CLVS1: variants seen among roughly 807,000 people sequenced by gnomAD.
CLVS1 encodes the protein clavesin 1, also known as clavesin-1.
CLVS1 carries 10 observed loss-of-function variants against 33.1 expected under a neutral mutation model. That is an observed-to-expected ratio of 0.30 (90% CI 0.19 to 0.51). The LOEUF (loss-of-function observed/expected upper bound fraction) is 0.51, where lower values mean the gene tolerates loss of function less well. Ranked by LOEUF, CLVS1 falls within the 20% of genes least tolerant of loss-of-function variation. The pLI, the probability that CLVS1 is intolerant of heterozygous loss-of-function variation, is 0.97. For synonymous variants in CLVS1, 163 were observed against 166.1 expected, an observed-to-expected ratio of 0.98 and a Z score of 0.14; for missense variants, 343 against 433.4, an observed-to-expected ratio of 0.79 and a Z score of 1.85.
intron 2 of CLVS1, among the ~76,000 whole-genome samples, chr8:61,319,021 AT>A (rs1254874207): frequency 3.9e-5 from 6 of 152,060 alleles, no homozygotes; most frequent in Non-Finnish European, 8.8e-5. Flanking sequence ...AAAATATTCT[AT>A]TTTTTATCTT....
intron 2 of CLVS1, among the ~76,000 whole-genome samples, chr8:61,256,041 A>G (rs768068455): frequency 8.4e-4 from 128 of 152,268 alleles, no homozygotes; most frequent in East Asian, 1.9e-3. Flanking sequence ...TTGTTGCACA[A>G]TCATCACTAC....
chr8:61,042,197 A>G, the CLVS1 span, among the ~76,000 whole-genome samples: 19 of 152,254 alleles, frequency 1.2e-4, 1 homozygote, highest in Admixed American at 5.2e-4. Flanking sequence ...GAACTCTCTC[A>G]TAAGGTCATG....
intron 2 of CLVS1, among the ~76,000 whole-genome samples, chr8:61,254,758 G>C (rs1809037413): frequency 1.3e-5 from 2 of 152,154 alleles, no homozygotes; most frequent in South Asian, 4.1e-4. Context: ...TGCTTGCTAA[G>C]ACCACTGGAA....
At chr8:61,006,282 G>A in the CLVS1 span, among the ~76,000 whole-genome samples, 1 of 152,208 alleles carries the variant, frequency 6.6e-6, no homozygotes, top group Non-Finnish European at 1.5e-5. Flanking sequence ...GAAAGGTATT[G>A]TCTGCTTGGT....
At chr8:61,084,145 A>T (rs1805076300) in intron 1 of CLVS1, among the ~76,000 whole-genome samples, 1 of 152,218 alleles carries the variant, frequency 6.6e-6, no homozygotes, top group Non-Finnish European at 1.5e-5. Flanking sequence ...TACCTGGCAG[A>T]ATAAAAGATA....
chr8:61,004,740 G>C, the CLVS1 span, among the ~76,000 whole-genome samples: 1 of 152,168 alleles, frequency 6.6e-6, no homozygotes, highest in Non-Finnish European at 1.5e-5. Context: ...GGATGCACCC[G>C]TAACGCACCC....
intron 3 of CLVS1, among the ~76,000 whole-genome samples, chr8:61,433,956 G>A (rs1299895438): frequency 6.6e-6 from 1 of 151,038 alleles, no homozygotes; most frequent in African/African-American, 2.4e-5. Flanking sequence ...AAAAAAAAAA[G>A]TTGTAGATGG....
chr8:60,994,806 A>G, the CLVS1 span, among the ~76,000 whole-genome samples: 1 of 152,244 alleles, frequency 6.6e-6, no homozygotes, highest in African/African-American at 2.4e-5. Context: ...TACTGGTACC[A>G]AAACAGAGAT....
At chr8:61,017,784 G>C in the CLVS1 span, among the ~76,000 whole-genome samples, 12 of 152,168 alleles carry the variant, frequency 7.9e-5, no homozygotes, top group Admixed American at 4.6e-4. Flanking sequence ...ATCAGGGCTG[G>C]GGGGGCTCCT....
intron 2 of CLVS1, among the ~76,000 whole-genome samples, chr8:61,340,650 T>C (rs1007612913): frequency 1.9e-4 from 29 of 152,332 alleles, no homozygotes; most frequent in African/African-American, 7.0e-4. Context: ...GAACACAGAA[T>C]GCAGATACCA....
At position 61,497,853 on chromosome 8, in the gene CLVS1, G is replaced by A. The variant is rs117587541; in HGVS notation, c.978-1602G>A. Among the ~76,000 whole-genome samples the A allele has an allele frequency of 1.4e-3, 213 of 152,226 alleles. 2 individuals carry two copies. In the East Asian group the frequency reaches 0.033, roughly 24 times the overall value. On this transcript the variant is annotated intron_variant, in intron 5 of 5. Coordinates refer to ENST00000325897, the MANE Select transcript of CLVS1 (RefSeq NM_173519.3). ...CAAGGGGTAGATTATTCATGCCTCCGCTTTTTAGACCATATAGGTTAACTT... is the reference window on the plus strand; with the variant it reads ...CAAGGGGTAGATTATTCATGCCTCCACTTTTTAGACCATATAGGTTAACTT...
intron 2 of CLVS1, among the ~76,000 whole-genome samples, chr8:61,197,316 C>T (rs1807637240): frequency 6.6e-6 from 1 of 152,088 alleles, no homozygotes; most frequent in Non-Finnish European, 1.5e-5. Context: ...GCCCCTTTGT[C>T]GAAAATGAAT....
chr8:61,378,061 T>A (rs536710018), intron 3 of CLVS1: 17 of 152,334 alleles, frequency 1.1e-4, no homozygotes, highest in Non-Finnish European at 1.3e-4. Context: ...GAACATCTGA[T>A]CTCTCTCTCT....
intron 2 of CLVS1, among the ~76,000 whole-genome samples, chr8:61,138,415 A>C (rs972994182): frequency 3.9e-5 from 6 of 152,236 alleles, no homozygotes; most frequent in African/African-American, 1.4e-4. Context: ...ATAAGTGTCC[A>C]TTGGGCAGGG....
intron 2 of CLVS1, among the ~76,000 whole-genome samples, chr8:61,332,643 C>CT (rs1811642106): frequency 6.6e-6 from 1 of 152,056 alleles, no homozygotes. Context: ...CTCACAATTT[C>CT]TTTTTTAATT....
intron 2 of CLVS1, among the ~76,000 whole-genome samples, chr8:61,268,418 G>T (rs1272219388): frequency 6.6e-6 from 1 of 151,262 alleles, no homozygotes; most frequent in East Asian, 1.9e-4. Flanking sequence ...GTCTATCATT[G>T]TTGGACATTT....
the CLVS1 span, among the ~76,000 whole-genome samples, chr8:61,049,877 T>C: frequency 6.6e-6 from 1 of 152,276 alleles, no homozygotes; most frequent in African/African-American, 2.4e-5. Flanking sequence ...GTGTTTCTAT[T>C]AATGAATGTA....
intron 3 of CLVS1, among the ~76,000 whole-genome samples, chr8:61,418,569 G>C (rs1265537394): frequency 6.6e-6 from 1 of 151,856 alleles, no homozygotes; most frequent in East Asian, 1.9e-4. Flanking sequence ...AAATAAATAT[G>C]GTGGAATTTC....
At chr8:61,464,672 A>G (rs1406780168) in intron 5 of CLVS1, 1 of 152,246 alleles carries the variant, frequency 6.6e-6, no homozygotes, top group Non-Finnish European at 1.5e-5. Context: ...ACGGGAGCCA[A>G]AATTCAAGAC....
Sources: allele counts gnomAD v4.1 joint callset (sites outside exome capture counted in the v4.1 genomes callset), GRCh38; gene constraint gnomAD v4.1.1; transcripts MANE v1.5; gene names NCBI Gene and HGNC (gene_info 2026-07-23, HGNC 2026-07-21).